UST: variants seen among roughly 807,000 people sequenced by gnomAD.
UST encodes the protein chondroitin sulfate 2-O-sulfotransferase.
UST carries 21 observed loss-of-function variants against 45.6 expected under a neutral mutation model. The observed-to-expected ratio is 0.46, with a 90% CI of 0.33 to 0.66. UST has a LOEUF of 0.66. Ranked by LOEUF, UST falls within the 30% of genes least tolerant of loss-of-function variation. UST has a pLI of 0.02. For synonymous variants in UST, 215 were observed against 200.6 expected (o/e 1.07, Z -0.61); for missense variants, 463 against 512.4 (o/e 0.90, Z 0.93).
chr6:149,055,616 C>T (rs1191019617), intron 7 of UST, among the ~76,000 whole-genome samples: 3 of 152,118 alleles, frequency 2.0e-5, no homozygotes, highest in Non-Finnish European at 4.4e-5. Flanking sequence ...CCTTTGAGCA[C>T]GTTTCTTAGT....
chr6:148,850,335 A>C lies in UST; in HGVS notation c.248-36651A>C, dbSNP rs138306803. ...ACTATCATGCTACACCCCGTCTTGAAGAATTTATTTTCTTTGCATATGTAG... is the reference window on the plus strand; with the variant it reads ...ACTATCATGCTACACCCCGTCTTGACGAATTTATTTTCTTTGCATATGTAG... On this transcript the variant is annotated intron_variant, in intron 1 of 7. Transcript: ENST00000367463. 4.3e-4 allele frequency among the ~76,000 whole-genome samples: 66 copies of C among 152,266 alleles called. No homozygotes were observed. In the East Asian group the frequency reaches 0.011, roughly 26 times the overall value.
chr6:149,059,868 G>A (rs367872137), intron 7 of UST, among the ~76,000 whole-genome samples: 1 of 152,018 alleles, frequency 6.6e-6, no homozygotes, highest in African/African-American at 2.4e-5. Flanking sequence ...ATTCCATGGG[G>A]TTAGGACCCG....
chr6:149,000,922 C>T (rs9390650), intron 5 of UST, among the ~76,000 whole-genome samples: 59,096 of 151,764 alleles, frequency 0.39, 11,916 homozygotes, highest in Non-Finnish European at 0.45. Flanking sequence ...AACAGATAGA[C>T]AGATAGAGCA....
At chr6:148,939,667 G>A (rs1177039545) in intron 2 of UST, among the ~76,000 whole-genome samples, 1 of 152,158 alleles carries the variant, frequency 6.6e-6, no homozygotes, top group Admixed American at 6.5e-5. Context: ...ATATTTGCAT[G>A]CAGAAGAATG....
At chr6:148,923,809 A>G (rs557412882) in intron 2 of UST, among the ~76,000 whole-genome samples, 12 of 152,144 alleles carry the variant, frequency 7.9e-5, no homozygotes, top group Admixed American at 6.5e-5. Context: ...ACTTAGATAT[A>G]CAACTGTACT....
At chr6:148,773,691 T>C (rs1776476643) in intron 1 of UST, among the ~76,000 whole-genome samples, 1 of 152,172 alleles carries the variant, frequency 6.6e-6, no homozygotes, top group African/African-American at 2.4e-5. Context: ...ATCCATACTT[T>C]TGTTTTACAC....
chr6:148,946,531 G>C (rs1214433206), intron 3 of UST, among the ~76,000 whole-genome samples: 1 of 62,862 alleles, frequency 1.6e-5, no homozygotes, highest in African/African-American at 5.4e-5. Flanking sequence ...AAAAAAAAAG[G>C]CCGGGTGCGG....
chr6:148,852,876 T>A (rs1365997020), intron 1 of UST, among the ~76,000 whole-genome samples: 7 of 152,108 alleles, frequency 4.6e-5, no homozygotes, highest in Admixed American at 3.9e-4. Flanking sequence ...CCAACCCCCA[T>A]GTGTTATGCC....
intron 1 of UST, among the ~76,000 whole-genome samples, chr6:148,752,357 A>G (rs1289993798): frequency 6.6e-6 from 1 of 152,254 alleles, no homozygotes; most frequent in Non-Finnish European, 1.5e-5. Flanking sequence ...AAATGAATGC[A>G]TAAAATATGA....
chr6:148,779,204 A>T (rs1410655045), intron 1 of UST, among the ~76,000 whole-genome samples: 2 of 150,336 alleles, frequency 1.3e-5, no homozygotes, highest in Non-Finnish European at 3.0e-5. Context: ...TCTTCCGTTG[A>T]CTCAGCACTT....
chr6:149,003,452 A>G (rs1294164494), intron 5 of UST, among the ~76,000 whole-genome samples: 1 of 152,128 alleles, frequency 6.6e-6, no homozygotes. Context: ...AACAAAAAAA[A>G]AAAACATTAA....
intron 4 of UST, among the ~76,000 whole-genome samples, chr6:148,960,046 T>C (rs1206885961): frequency 6.6e-6 from 1 of 151,970 alleles, no homozygotes; most frequent in African/African-American, 2.4e-5. Context: ...CCCAGCACTT[T>C]GGGAGGCCGA....
chr6:148,947,842 G>A lies in UST; in HGVS notation c.448-6030G>A, dbSNP rs1389437489. ...GCCTGGTCCCTTTCCATGCCACAGG[G>A]ATTAGTTCACACAGCCCTGCAGACG... On this transcript the variant is annotated intron_variant, in intron 3 of 7. Transcript: ENST00000367463. 2.0e-5 allele frequency among the ~76,000 whole-genome samples: 3 copies of A among 151,606 alleles called. No individual in the cohort carries two copies. The East Asian group carries it at 5.8e-4, about 29-fold the overall frequency.
chr6:149,053,844 G>A (rs1017807335), intron 7 of UST, among the ~76,000 whole-genome samples: 2 of 152,196 alleles, frequency 1.3e-5, no homozygotes, highest in South Asian at 4.1e-4. Flanking sequence ...CAAGAATTGG[G>A]GCTCATATCT....
At chr6:148,801,758 T>G (rs1777061526) in intron 1 of UST, among the ~76,000 whole-genome samples, 1 of 152,136 alleles carries the variant, frequency 6.6e-6, no homozygotes, top group South Asian at 2.1e-4. Flanking sequence ...GCATATCTCA[T>G]TCTCTCTCTG....
Position 148,965,962 on chromosome 6 carries a change from G to A in UST, c.681+1399G>A, listed in dbSNP as rs1367344744. On this transcript the variant is annotated intron_variant, in intron 5 of 7. Transcript: ENST00000367463. ...TATGAGGCCGGGCGCAGTGGCTCAC[G>A]CCTGTAATCCCAGCACTTTGGGAGG... 6.9e-5 allele frequency among the ~76,000 whole-genome samples: 10 copies of A among 145,352 alleles called. 1 individual carries two copies. The East Asian group carries it at 1.0e-3, about 15-fold the overall frequency.
intron 5 of UST, among the ~76,000 whole-genome samples, chr6:149,008,900 G>A (rs1396532295): frequency 2.0e-5 from 3 of 152,144 alleles, no homozygotes; most frequent in Admixed American, 6.5e-5. Flanking sequence ...GGTTATAAAC[G>A]CTACCAATGT....
chr6:148,878,463 T>G (rs1390181966), intron 1 of UST, among the ~76,000 whole-genome samples: 2 of 115,474 alleles, frequency 1.7e-5, no homozygotes, highest in Non-Finnish European at 3.4e-5. Context: ...TGGGGTGTCG[T>G]GTATGAGTGT....
chr6:148,900,918 C>A (rs769062949), intron 2 of UST, among the ~76,000 whole-genome samples: 5 of 152,158 alleles, frequency 3.3e-5, no homozygotes, highest in Non-Finnish European at 7.4e-5. Flanking sequence ...CTTATGTCTC[C>A]TTTATCTTCA....
Sources: allele counts gnomAD v4.1 joint callset (sites outside exome capture counted in the v4.1 genomes callset), GRCh38; gene constraint gnomAD v4.1.1; transcripts MANE v1.5; gene names NCBI Gene and HGNC (gene_info 2026-07-23, HGNC 2026-07-21).